WDR86: variants seen among roughly 807,000 people sequenced by gnomAD.
The protein encoded by WDR86 is WD repeat-containing protein 86.
A neutral mutation model predicts 36.5 loss-of-function variants in WDR86; 30 were observed. The observed-to-expected ratio is 0.82, with a 90% CI of 0.61 to 1.11. WDR86 has a LOEUF of 1.11. WDR86 is among the 50% of genes most tolerant of loss of function. The pLI, the probability that WDR86 is intolerant of heterozygous loss-of-function variation, is 0.00. For synonymous variants in WDR86, 255 were observed against 252.9 expected, an observed-to-expected ratio of 1.01 and a Z score of -0.08; for missense variants, 545 against 561.2, an observed-to-expected ratio of 0.97 and a Z score of 0.29.
exon 2 of WDR86, chr7:151,376,085 T>G (rs981509140): frequency 1.1e-5 from 7 of 654,202 alleles, no homozygotes; most frequent in Admixed American, 4.5e-5. Flanking sequence ...CCTGCCCACC[T>G]CAGAGGCCAC....
rs1436734955 is a variant in WDR86, at chr7:151,409,272, G to C, written c.163+155C>G. On this transcript the variant is annotated intron_variant, in intron 1 of 5. Coordinates refer to ENST00000334493, the MANE Select transcript of WDR86 (RefSeq NM_198285.3). The surrounding 1 kb of genome is among the most constrained non-coding windows in gnomAD (Gnocchi z 5.2). ...TGCCCTGCCGTGCGCTCAACAGCCAGATGCTGGGCCCAGACAAGCGCTCTT... is the reference window on the plus strand; with the variant it reads ...TGCCCTGCCGTGCGCTCAACAGCCACATGCTGGGCCCAGACAAGCGCTCTT... 1 of 1,234,546 alleles carries C rather than the reference G, an allele frequency of 8.1e-7. No homozygotes were observed. The highest frequency in any genetic ancestry group is 1.4e-5 in the South Asian group (1 of 69,778). The allele number at this position is 1,234,546 out of a possible 1,614,324, so 76.5% of individuals were successfully genotyped here. A position where few individuals can be genotyped will look rare whatever the true frequency, so the allele number is the denominator to read the frequency against.
rs1326255041 is a variant in WDR86 at position 151,396,003 on chromosome 7, C to T, written c.499G>A (p.Val167Met). ...GCTGTGCCATCTGTGCTGCCGGTCA[C>T]CAGAAGCCCCCCGGCCGCGGCCTCC... is the stretch of plus-strand genomic sequence containing the variant. ...AEEAAAGGLLVTGSTDGTAKV... is the reference protein window; with the variant it reads ...AEEAAAGGLLMTGSTDGTAKV... Residue 167 changes from valine (V) to methionine (M), a missense_variant, in exon 3 of 6, where the codon GTG becomes ATG. By Grantham distance (21) the Val-to-Met change is conservative (BLOSUM62 1). Coordinates refer to ENST00000334493, the MANE Select transcript of WDR86 (RefSeq NM_198285.3). 2 of 1,600,728 alleles carry T rather than the reference C, an allele frequency of 1.2e-6. No homozygotes were observed. The highest frequency in any genetic ancestry group is 1.7e-6 in the Non-Finnish European group (2 of 1,174,478).
chr7:151,400,204 A>C lies in WDR86; in HGVS notation c.201T>G (p.Asp67Glu), dbSNP rs778599452. 1 of 1,611,320 alleles carries C rather than the reference A, an allele frequency of 6.2e-7. No individual in the cohort carries two copies. Among genetic ancestry groups the C allele is most frequent in the Non-Finnish European group, 8.5e-7 (1 of 1,178,750 alleles). ...ESYVTFCQLEDEAAFTCSADC... is the reference protein window; with the variant it reads ...ESYVTFCQLEEEAAFTCSADC... ...CGGCGCTGCATGTGAAGGCAGCCTC[A>C]TCCTCCAGCTGGCAGAAGGTCACAT... Residue 67 changes from aspartate to glutamate, a missense_variant, in exon 2 of 6, where the codon GAT becomes GAG. Physicochemically the swap from Asp to Glu is conservative, Grantham distance 45. Transcript: ENST00000334493.
At chr7:151,387,822 G>A (rs1467368265) in intron 3 of WDR86, among the ~76,000 whole-genome samples, 1 of 152,204 alleles carries the variant, frequency 6.6e-6, no homozygotes, top group African/African-American at 2.4e-5. Flanking sequence ...TCACAGGCAC[G>A]GGGCTTACAG....
intron 1 of WDR86, chr7:151,408,662 C>G (rs1477857701): frequency 9.4e-6 from 3 of 318,762 alleles, no homozygotes; most frequent in Non-Finnish European, 1.9e-5. Context: ...CGCGGCTCAT[C>G]CAGGGGACTA....
chr7:151,380,347 C>G (rs552410283), downstream of WDR86, among the ~76,000 whole-genome samples: 1 of 152,360 alleles, frequency 6.6e-6, no homozygotes, highest in South Asian at 2.1e-4. Flanking sequence ...CCGGCCGTCT[C>G]TGATGAAGTA....
rs1801047841 is a variant in WDR86 at position 151,409,593 on chromosome 7, G to T, written c.-4C>A. On this transcript the variant is annotated 5_prime_UTR_variant, in exon 1 of 6. Coordinates refer to ENST00000334493, the MANE Select transcript of WDR86 (RefSeq NM_198285.3). This position sits in a 1 kb window ranked among gnomAD's most constrained non-coding sequence, Gnocchi z 5.2. ...GGGCCGACCCGCCGCCCCCCATCCC[G>T]CTGGCAGGGCGGGGAACAAGAAGGA... The T allele has an allele frequency of 2.9e-6, 4 of 1,379,148 alleles. No homozygotes were observed. Among genetic ancestry groups the T allele is most frequent in the Non-Finnish European group, 3.7e-6 (4 of 1,069,966 alleles). 85.4% of individuals were successfully genotyped at this position (1,379,148 alleles called of 1,614,324 possible).
At chr7:151,394,457 C>T (rs575033994) in intron 3 of WDR86, among the ~76,000 whole-genome samples, 8 of 152,306 alleles carry the variant, frequency 5.3e-5, no homozygotes, top group South Asian at 2.1e-4. Context: ...CCATCTTCTG[C>T]GGCTTCGCTG....
chr7:151,387,283 G>A (rs1799056331), intron 3 of WDR86, among the ~76,000 whole-genome samples: 1 of 152,148 alleles, frequency 6.6e-6, no homozygotes, highest in Admixed American at 6.5e-5. Flanking sequence ...GGTGACCAGG[G>A]CAGGAGAGGA....
rs1436936555 is a variant in WDR86 at position 151,402,074 on chromosome 7, TA to T, written c.164-1834del. The stretch of plus-strand genomic sequence containing the variant: ...AAAAAAAAAAAAAAAAAAAAAAATA[TA>T]TATATATATATATATATCTCCACAA... On this transcript the variant is annotated intron_variant, in intron 1 of 5. Transcript: ENST00000334493. 6.3e-5 allele frequency among the ~76,000 whole-genome samples: 4 copies of T among 63,846 alleles called. No homozygotes were observed. In the East Asian group the frequency reaches 1.5e-3, roughly 24 times the overall value. 41.9% of individuals were successfully genotyped at this position (63,846 alleles called of 152,430 possible).
downstream of WDR86, chr7:151,376,761 C>T (rs781573213): frequency 1.8e-5 from 28 of 1,595,292 alleles, no homozygotes; most frequent in South Asian, 2.3e-5. Context: ...CTGCCGCTGT[C>T]GCCAGAAGAC....
intron 3 of WDR86, among the ~76,000 whole-genome samples, chr7:151,394,138 C>G (rs1316056007): frequency 6.6e-6 from 1 of 152,192 alleles, no homozygotes; most frequent in African/African-American, 2.4e-5. Context: ...GAGCTGCTCT[C>G]CCAAGCCCCT....
intron 1 of WDR86, chr7:151,408,722 G>A (rs957314881): frequency 3.5e-5 from 13 of 368,558 alleles, no homozygotes; most frequent in African/African-American, 2.5e-4. Context: ...GGACCTCACA[G>A]TGCATGGGAC....
chr7:151,381,943 C>T lies in WDR86; in HGVS notation c.901G>A (p.Asp301Asn), dbSNP rs1416168081. ...CTCCGCAGCTCTCCAGACTGCGCGT[C>T]GAAGGCCCGGGCGCAAGCGTCCCCG... ...GSGDACARAF[D>N]AQSGELRRVF... The change falls in exon 5 of 6, where the codon GAC becomes AAC. Residue 301 changes from aspartate to asparagine, a missense_variant. Asp to Asn is a conservative substitution (Grantham distance 23, BLOSUM62 1). Coordinates refer to ENST00000334493, the MANE Select transcript of WDR86 (RefSeq NM_198285.3). This position sits in a 1 kb window ranked among gnomAD's most constrained non-coding sequence, Gnocchi z 4.8. The T allele has an allele frequency of 6.2e-7, 1 of 1,608,974 alleles. No individual in the cohort carries two copies. Among genetic ancestry groups the T allele is most frequent in the Non-Finnish European group, 8.5e-7 (1 of 1,178,266 alleles).
At chr7:151,375,741 G>A, downstream of WDR86, 1 of 730,426 alleles carries the variant, frequency 1.4e-6, no homozygotes. Flanking sequence ...CTGCCTCATA[G>A]CAGCAGAGGA....
At chr7:151,375,884 G>C (rs756736464), downstream of WDR86, 2 of 1,613,192 alleles carry the variant, frequency 1.2e-6, no homozygotes, top group African/African-American at 2.7e-5. Flanking sequence ...GTGGTTAAAT[G>C]ATTCCAATCC....
At position 151,388,916 on chromosome 7, in the gene WDR86, C is replaced by T. The variant is rs1418372867; in HGVS notation, c.727-3693G>A. 6.6e-6 allele frequency among the ~76,000 whole-genome samples: 1 copy of T among 152,068 alleles called. No individual in the cohort carries two copies. ...GCCCGCCTCATAAATGAGATGAGTT[C>T]CCTTTTATAAAAGGGCTTAAGGGAG... On this transcript the variant is annotated intron_variant, in intron 3 of 5. Coordinates refer to ENST00000334493, the MANE Select transcript of WDR86 (RefSeq NM_198285.3). This position sits in a 1 kb window ranked among gnomAD's most constrained non-coding sequence, Gnocchi z 4.2.
At chr7:151,389,245 C>T (rs957242899) in intron 3 of WDR86, among the ~76,000 whole-genome samples, 2 of 152,012 alleles carry the variant, frequency 1.3e-5, no homozygotes, top group East Asian at 3.9e-4. Context: ...CGTGAGCCAC[C>T]GTGCCCGGCC....
At chr7:151,397,818 G>A (rs542341707) in intron 2 of WDR86, among the ~76,000 whole-genome samples, 255 of 108,554 alleles carry the variant, frequency 2.3e-3, no homozygotes, top group African/African-American at 8.2e-3. Flanking sequence ...GCGGGAGGAA[G>A]AGGGTGTAGC....
Sources: gnomAD v4.1 joint callset for allele counts (sites outside exome capture counted in the v4.1 genomes callset) on GRCh38, gnomAD v4.1.1 for gene constraint, Gnocchi (gnomAD v3.1) non-coding constraint, MANE v1.5 for transcripts, NCBI Gene and HGNC (gene_info 2026-07-23, HGNC 2026-07-21) for gene names.